The following MKLN1 variants were observed in gnomAD, a reference collection of about 807,000 sequenced individuals.
The protein encoded by MKLN1 is muskelin 1, also known as muskelin.
In MKLN1, 18 loss-of-function variants were observed where a neutral mutation model predicts 99.0. That is an observed-to-expected ratio of 0.18 (90% CI 0.13 to 0.27). The LOEUF is 0.27. MKLN1 is among the 10% of genes least tolerant of loss of function. The probability of loss-of-function intolerance (pLI) is 1.00; values close to 1 mark genes in which losing one functional copy is unlikely to be tolerated. For synonymous variants in MKLN1, 288 were observed against 293.2 expected (o/e 0.98, Z 0.18); for missense variants, 621 against 875.9 (o/e 0.71, Z 3.67).
intron 3 of MKLN1, among the ~76,000 whole-genome samples, chr7:131,254,793 G>A (rs1797633907): frequency 6.6e-6 from 1 of 151,980 alleles, no homozygotes; most frequent in South Asian, 2.1e-4. Flanking sequence ...GTACCTCAGA[G>A]GAATGTGAAA....
intron 10 of MKLN1, 90 bp downstream of exon 10, chr7:131,438,087 T>C: frequency 1.1e-6 from 1 of 946,670 alleles, no homozygotes; most frequent in Non-Finnish European, 1.7e-6. Flanking sequence ...TGCTGAGTTG[T>C]CCAGTAGTGC....
intron 3 of MKLN1, among the ~76,000 whole-genome samples, chr7:131,233,389 T>TAAATA (rs932104900): frequency 1.0e-4 from 15 of 149,980 alleles, no homozygotes; most frequent in Non-Finnish European, 1.5e-4. Context: ...AATAAATAAA[T>TAAATA]AAATAAATAA....
At chr7:131,209,282 T>C (rs1796864111) in intron 3 of MKLN1, among the ~76,000 whole-genome samples, 1 of 152,168 alleles carries the variant, frequency 6.6e-6, no homozygotes. Flanking sequence ...CTCAGAAAGT[T>C]TTAAGCAAGG....
intron 3 of MKLN1, among the ~76,000 whole-genome samples, chr7:131,276,865 T>G (rs1480149333): frequency 6.6e-6 from 1 of 152,180 alleles, no homozygotes; most frequent in Non-Finnish European, 1.5e-5. Context: ...GGAGGAGTAT[T>G]ACAAATGTGA....
intron 3 of MKLN1, among the ~76,000 whole-genome samples, chr7:131,285,373 C>T (rs1004477763): frequency 2.0e-5 from 3 of 152,298 alleles, no homozygotes; most frequent in Non-Finnish European, 4.4e-5. Flanking sequence ...ACACGGGATG[C>T]GCTCATACCT....
chr7:131,428,278 T>A (rs1795418744), intron 8 of MKLN1, among the ~76,000 whole-genome samples: 1 of 152,156 alleles, frequency 6.6e-6, no homozygotes, highest in Admixed American at 6.5e-5. Flanking sequence ...AGCGGTAAAG[T>A]CTGTGAATAT....
chr7:131,182,635 A>T (rs1319626398), intron 2 of MKLN1, among the ~76,000 whole-genome samples: 1 of 151,378 alleles, frequency 6.6e-6, no homozygotes, highest in African/African-American at 2.4e-5. Context: ...TGCTAAGAAC[A>T]AATAGAGAAT....
intron 12 of MKLN1, among the ~76,000 whole-genome samples, chr7:131,447,286 C>T (rs1796043108): frequency 6.6e-6 from 1 of 152,130 alleles, no homozygotes; most frequent in Non-Finnish European, 1.5e-5. Context: ...ACATTATTTA[C>T]CCTATCTAAA....
chr7:131,378,003 A>G (rs1447268602), intron 2 of MKLN1, among the ~76,000 whole-genome samples: 1 of 152,262 alleles, frequency 6.6e-6, no homozygotes, highest in Non-Finnish European at 1.5e-5. Context: ...TCAAGGGACA[A>G]CATTTTTGCC....
chr7:131,470,804 C>A, intron 15 of MKLN1, 38 bp from the exon 16 acceptor site: 1 of 1,315,416 alleles, frequency 7.6e-7, no homozygotes, highest in South Asian at 1.2e-5. Flanking sequence ...GATATTTTCT[C>A]ATAACTCCAG....
intron 1 of MKLN1, among the ~76,000 whole-genome samples, chr7:131,118,720 A>G (rs1171957511): frequency 3.9e-5 from 6 of 152,218 alleles, no homozygotes; most frequent in Admixed American, 2.6e-4. Flanking sequence ...AAGCAAACAC[A>G]TCTTCACATG....
chr7:131,221,279 C>T (rs1247832608), intron 3 of MKLN1, among the ~76,000 whole-genome samples: 1 of 152,182 alleles, frequency 6.6e-6, no homozygotes, highest in African/African-American at 2.4e-5. Flanking sequence ...TGGAGCTCCC[C>T]ATTGTTGGTT....
chr7:131,141,643 T>C (rs1352695614), intron 1 of MKLN1, among the ~76,000 whole-genome samples: 1 of 152,192 alleles, frequency 6.6e-6, no homozygotes, highest in Non-Finnish European at 1.5e-5. Flanking sequence ...TGTTGTGCCC[T>C]CCACCCAAAA....
At chr7:131,277,486 G>C (rs1047633787) in intron 3 of MKLN1, among the ~76,000 whole-genome samples, 1 of 152,114 alleles carries the variant, frequency 6.6e-6, no homozygotes, top group African/African-American at 2.4e-5. Context: ...GTTTCACCAT[G>C]TTGGCCAAGC....
chr7:131,392,967 G>A (rs992149257), intron 4 of MKLN1, among the ~76,000 whole-genome samples: 2 of 151,528 alleles, frequency 1.3e-5, no homozygotes, highest in African/African-American at 4.9e-5. Context: ...CACAATTAGA[G>A]CTCAGTGCAA....
chr7:131,121,517 A>C (rs1584773342), intron 1 of MKLN1, among the ~76,000 whole-genome samples: 1 of 151,874 alleles, frequency 6.6e-6, no homozygotes, highest in Non-Finnish European at 1.5e-5. Context: ...GGGTGCCTGC[A>C]GTCCCAGCTA....
At chr7:131,452,137 T>C (rs1796196774) in intron 12 of MKLN1, among the ~76,000 whole-genome samples, 1 of 152,234 alleles carries the variant, frequency 6.6e-6, no homozygotes, top group Non-Finnish European at 1.5e-5. Flanking sequence ...ATTGGTACCA[T>C]TGAAAGAATA....
chr7:131,482,753 A>T (rs745727863), intron 17 of MKLN1, among the ~76,000 whole-genome samples: 5 of 152,230 alleles, frequency 3.3e-5, no homozygotes, highest in Non-Finnish European at 5.9e-5. Context: ...AGTCATTGTC[A>T]TCAGTCATAC....
At chr7:131,176,706 A>G (rs183895584) in intron 2 of MKLN1, among the ~76,000 whole-genome samples, 1 of 152,372 alleles carries the variant, frequency 6.6e-6, no homozygotes, top group Non-Finnish European at 1.5e-5. Flanking sequence ...AATTGGAAAC[A>G]TGGTGCCTGT....
Sources: gnomAD v4.1 joint callset for allele counts (sites outside exome capture counted in the v4.1 genomes callset) on GRCh38, gnomAD v4.1.1 for gene constraint, MANE v1.5 for transcripts, NCBI Gene and HGNC (gene_info 2026-07-23, HGNC 2026-07-21) for gene names.